Variants in LAMB4 observed in about 807,000 individuals in gnomAD.
The protein encoded by LAMB4 is laminin subunit beta-4.
LAMB4 carries 196 observed loss-of-function variants against 199.2 expected under a neutral mutation model. That is an observed-to-expected ratio of 0.98 (90% CI 0.88 to 1.11). The LOEUF is 1.11. Ranked by LOEUF, LAMB4 falls within the 50% of genes least tolerant of loss-of-function variation. The pLI, the probability that LAMB4 is intolerant of heterozygous loss-of-function variation, is 0.00. For synonymous variants in LAMB4, 744 were observed against 770.6 expected (o/e 0.97, Z 0.57); for missense variants, 2,080 against 2,171.2 (o/e 0.96, Z 0.83).
chr7:108,030,084 T>C (rs1305575995), intron 32 of LAMB4, among the ~76,000 whole-genome samples: 1 of 151,534 alleles, frequency 6.6e-6, no homozygotes, highest in Non-Finnish European at 1.5e-5. Context: ...AGCCACTGCA[T>C]TCCAGTCTGG....
intron 17 of LAMB4, among the ~76,000 whole-genome samples, chr7:108,073,456 A>C (rs540255597): frequency 1.3e-5 from 2 of 152,356 alleles, no homozygotes; most frequent in East Asian, 3.9e-4. Context: ...TACTCTAAAC[A>C]CAGTTTTATA....
chr7:108,087,005 C>A (rs2037207173), intron 14 of LAMB4, among the ~76,000 whole-genome samples: 1 of 152,116 alleles, frequency 6.6e-6, no homozygotes, highest in South Asian at 2.1e-4. Context: ...TGTGGAGAGC[C>A]ACTTCTAGCC....
chr7:108,030,081 G>A (rs1200259415), intron 32 of LAMB4, among the ~76,000 whole-genome samples: 1 of 150,218 alleles, frequency 6.7e-6, no homozygotes, highest in Non-Finnish European at 1.5e-5. Context: ...CTGAGCCACT[G>A]CATTCCAGTC....
chr7:108,112,612 A>G (rs1158788901), intron 3 of LAMB4, among the ~76,000 whole-genome samples: 2 of 152,078 alleles, frequency 1.3e-5, no homozygotes, highest in African/African-American at 4.8e-5. Context: ...TGGATTTTTG[A>G]AGGTTACAAC....
chr7:108,118,511 G>A lies in LAMB4; in HGVS notation c.35-2350C>T, dbSNP rs939351518. Among the ~76,000 whole-genome samples the A allele has an allele frequency of 3.9e-5, 6 of 152,158 alleles. No individual in the cohort carries two copies. The East Asian group carries it at 9.6e-4, about 24-fold the overall frequency. On this transcript the variant is annotated intron_variant, in intron 2 of 33. Coordinates refer to ENST00000388781, the MANE Select transcript of LAMB4 (RefSeq NM_007356.3). ...TCCTACTGATTTTTGAGGTGCAAAT[G>A]CAACTCAATGGAGGAAGAACAGCCT...
At chr7:108,072,160 T>C (rs1204593253) in intron 17 of LAMB4, among the ~76,000 whole-genome samples, 3 of 152,172 alleles carry the variant, frequency 2.0e-5, no homozygotes, top group Non-Finnish European at 4.4e-5. Flanking sequence ...AAAGTTCCAT[T>C]GGATATTCAT....
At chr7:108,085,326 G>C (rs879755607) in intron 14 of LAMB4, among the ~76,000 whole-genome samples, 1 of 152,122 alleles carries the variant, frequency 6.6e-6, no homozygotes, top group African/African-American at 2.4e-5. Context: ...TACAAATTTT[G>C]TAATTTCAGT....
chr7:108,097,577 A>G (rs1332698517), intron 11 of LAMB4, among the ~76,000 whole-genome samples: 2 of 152,216 alleles, frequency 1.3e-5, no homozygotes, highest in East Asian at 3.8e-4. Flanking sequence ...CGAGGTCAGG[A>G]GACAGAGACC....
chr7:108,115,266 T>G (rs893253247), intron 3 of LAMB4, among the ~76,000 whole-genome samples: 1 of 152,228 alleles, frequency 6.6e-6, no homozygotes, highest in Non-Finnish European at 1.5e-5. Context: ...TCAGTTAAGG[T>G]TTCCTGGACT....
chr7:108,079,867 C>T, intron 14 of LAMB4, 81 bp from the exon 15 acceptor site: 1 of 980,218 alleles, frequency 1.0e-6, no homozygotes, highest in Non-Finnish European at 1.5e-6. Context: ...CCCCACTGCA[C>T]CACCCCCTGT....
Position 108,035,546 on chromosome 7 carries a change from GAA to G in LAMB4, c.4680-1202_4680-1201del, listed in dbSNP as rs71137604. ...GACAGAATGAGACCCTGTCTCAAAAGAAAAAAAAAAAAAAAGATTTTCAATGT... is the reference window on the plus strand; with the variant it reads ...GACAGAATGAGACCCTGTCTCAAAAGAAAAAAAAAAAAAGATTTTCAATGT... On this transcript the variant is annotated intron_variant, in intron 30 of 33. Transcript: ENST00000388781. 2.2e-3 allele frequency among the ~76,000 whole-genome samples: 233 copies of G among 108,012 alleles called. 1 individual carries two copies. The highest frequency in any genetic ancestry group is 7.9e-3 in the African/African-American group (219 of 27,786). The allele number at this position is 108,012 out of a possible 152,430, so 70.9% of individuals were successfully genotyped here.
chr7:108,123,948 G>T (rs1375512295), intron 1 of LAMB4, among the ~76,000 whole-genome samples: 1 of 152,076 alleles, frequency 6.6e-6, no homozygotes, highest in Non-Finnish European at 1.5e-5. Context: ...AGAGAGTTCT[G>T]ATCCAGAGTG....
rs1266220158 is a variant in LAMB4 at position 108,068,068 on chromosome 7, G to T, written c.2394C>A (p.Cys798Ter). Residue 798 changes from cysteine to a stop codon, truncating the protein, a stop_gained, in exon 19 of 34, where the codon TGC (cysteine) becomes TGA (stop). Coordinates refer to ENST00000388781, the MANE Select transcript of LAMB4 (RefSeq NM_007356.3). LOFTEE classifies it high-confidence loss of function. The part of the protein sequence containing the change: ...CQCKPLVVGR[C>*]CDRCSTGSYD... ...AGCTTCCAGTTGAGCACCTGTCACAGCAGCGCCCGACCACAAGAGGTTTAC... is the reference window on the plus strand; with the variant it reads ...AGCTTCCAGTTGAGCACCTGTCACATCAGCGCCCGACCACAAGAGGTTTAC... 2.5e-6 allele frequency: 4 copies of T among 1,614,176 alleles called. No homozygotes were observed. The highest frequency in any genetic ancestry group is 3.4e-6 in the Non-Finnish European group (4 of 1,180,032).
chr7:108,062,952 G>T lies in LAMB4; in HGVS notation c.3104C>A (p.Pro1035His), dbSNP rs767971373. 3.1e-6 allele frequency: 5 copies of T among 1,604,002 alleles called. No homozygotes were observed. Among genetic ancestry groups the T allele is most frequent in the Non-Finnish European group, 4.3e-6 (5 of 1,175,878 alleles). Residue 1035 changes from proline to histidine, a missense_variant, in exon 23 of 34, where the codon CCC becomes CAC. Pro to His is a moderately conservative substitution (Grantham distance 77). Coordinates refer to ENST00000388781, the MANE Select transcript of LAMB4 (RefSeq NM_007356.3). Reference sequence around the variant, plus strand: ...ACAGAGGCAAGCTCCCCCACCAGGGGGACACTCCATGGGACTCACGCCGGA... The same window carrying T: ...ACAGAGGCAAGCTCCCCCACCAGGGTGACACTCCATGGGACTCACGCCGGA... ...HASGVSPMEC[P>H]PGGGACLCDP...
intron 29 of LAMB4, among the ~76,000 whole-genome samples, chr7:108,039,462 C>T (rs1434372657): frequency 2.1e-5 from 3 of 140,070 alleles, no homozygotes; most frequent in Non-Finnish European, 3.0e-5. Context: ...AGAAACAGTA[C>T]TTTCTTTCTT....
chr7:108,097,049 G>GTCAGAGAT (rs2037634600), intron 11 of LAMB4, among the ~76,000 whole-genome samples: 1 of 151,504 alleles, frequency 6.6e-6, no homozygotes, highest in Non-Finnish European at 1.5e-5. Context: ...TAGTCAGAGA[G>GTCAGAGAT]TCAGAGAAAC....
chr7:108,069,862 A>G lies in LAMB4; in HGVS notation c.2148T>C (p.Asn716=). The G allele has an allele frequency of 5.0e-6, 8 of 1,613,498 alleles. No individual in the cohort carries two copies. The highest frequency in any genetic ancestry group is 6.8e-6 in the Non-Finnish European group (8 of 1,179,526). ...GCTTGCTGCAGAAATTCTCCAATGA[A>G]TTGATTTGGGGAATAAGGCCAAGCT... ...VDSLGLIPQI[N]SLENFCSKQD... is the part of the protein sequence containing the mutation. The change falls in exon 18 of 34, where the codon AAT becomes AAC. Residue 716 remains asparagine (N), a synonymous_variant. Coordinates refer to ENST00000388781, the MANE Select transcript of LAMB4 (RefSeq NM_007356.3).
At chr7:108,031,461 T>C (rs1030541902) in intron 31 of LAMB4, among the ~76,000 whole-genome samples, 1 of 150,276 alleles carries the variant, frequency 6.7e-6, no homozygotes. Context: ...ACATTAACAA[T>C]GAGCTAAGGC....
chr7:108,055,700 CCTTT>C lies in LAMB4; in HGVS notation c.3683_3686del (p.Glu1228GlyfsTer3). On this transcript the variant is annotated frameshift_variant, in exon 25 of 34. Coordinates refer to ENST00000388781, the MANE Select transcript of LAMB4 (RefSeq NM_007356.3). LOFTEE classifies it high-confidence loss of function. ...ATGGGAAAACAGGATGTTTCAAAAT[CCTTT>C]CTATTTCAGACACGTTCCCTCTGAG... The C allele has an allele frequency of 6.2e-7, 1 of 1,614,116 alleles. No individual in the cohort carries two copies. Among genetic ancestry groups the C allele is most frequent in the Non-Finnish European group, 8.5e-7 (1 of 1,179,980 alleles).
Sources: gnomAD v4.1 joint callset for allele counts (sites outside exome capture counted in the v4.1 genomes callset) on GRCh38, gnomAD v4.1.1 for gene constraint, MANE v1.5 for transcripts, NCBI Gene and HGNC (gene_info 2026-07-23, HGNC 2026-07-21) for gene names.